The following AOX1 variants were observed in gnomAD, a reference collection of about 807,000 sequenced individuals.
AOX1 encodes the protein aldehyde oxidase.
AOX1 carries 153 observed loss-of-function variants against 169.5 expected under a neutral mutation model. The observed-to-expected ratio is 0.90, with a 90% CI of 0.79 to 1.03. The LOEUF is 1.03. Among genes scored for constraint, AOX1 ranks in the 50% least tolerant of loss-of-function variants. The pLI is 0.00. For missense variants in AOX1, 1,656 were observed against 1,663.9 expected (o/e 1.00, Z 0.08); for synonymous variants, 562 against 581.9 (o/e 0.97, Z 0.49).
intron 34 of AOX1, among the ~76,000 whole-genome samples, chr2:200,669,968 A>G (rs573417969): frequency 6.6e-6 from 1 of 151,996 alleles, no homozygotes; most frequent in Admixed American, 6.5e-5. Context: ...ATTCTATACT[A>G]TTTGACAAAA....
At position 200,638,255 on chromosome 2, in the gene AOX1, G is replaced by C. The variant is rs377368396; in HGVS notation, c.2521G>C (p.Asp841His). ...TCGCTGTGTTCTGGAACGAGGAGAAGACATGTTAATAACTGGAGGCCGCCA... is the reference window on the plus strand; with the variant it reads ...TCGCTGTGTTCTGGAACGAGGAGAACACATGTTAATAACTGGAGGCCGCCA... ...AVRCVLERGE[D>H]MLITGGRHPY... Residue 841 changes from aspartate to histidine, a missense_variant, in exon 23 of 35, where the codon GAC (aspartate) becomes CAC (histidine). Physicochemically the swap from Asp to His is moderately conservative, Grantham distance 81. Transcript: ENST00000374700. The C allele has an allele frequency of 1.4e-5, 22 of 1,613,796 alleles. No homozygotes were observed. In the African/African-American group the frequency reaches 2.9e-4, roughly 22 times the overall value.
chr2:200,587,759 T>C lies in AOX1; in HGVS notation c.45+1606T>C, dbSNP rs532165213. Among the ~76,000 whole-genome samples, 19 of 152,308 alleles carry C rather than the reference T, an allele frequency of 1.2e-4. No individual in the cohort carries two copies. The South Asian group carries it at 3.9e-3, about 32-fold the overall frequency. ...TCTTCTTTTGCATAATAGAATGGTA[T>C]AGTAAACACAACACTGGCTTTGTTG... is the stretch of plus-strand genomic sequence containing the variant. On this transcript the variant is annotated intron_variant, in intron 1 of 34. Transcript: ENST00000374700.
chr2:200,657,160 C>CAAAAAAAAAAAAAAAAAA (rs1442000312), intron 27 of AOX1, among the ~76,000 whole-genome samples: 3 of 59,140 alleles, frequency 5.1e-5, no homozygotes, highest in African/African-American at 1.8e-4. Flanking sequence ...TCCATCTCTA[C>CAAAAAAAAAAAAAAAAAA]CAAAAATATA....
At position 200,623,870 on chromosome 2, in the gene AOX1, G is replaced by A. The variant is rs779268030; in HGVS notation, c.2011G>A (p.Val671Met). 3.1e-6 allele frequency: 5 copies of A among 1,613,866 alleles called. No individual in the cohort carries two copies. The South Asian group carries it at 4.4e-5, about 14-fold the overall frequency. The change falls in exon 19 of 35, where the codon GTG (valine) becomes ATG (methionine). Residue 671 changes from valine to methionine, a missense_variant. Physicochemically the swap from Val to Met is conservative, Grantham distance 21. Coordinates refer to ENST00000374700, the MANE Select transcript of AOX1 (RefSeq NM_001159.4). ...KFLATDKVFCVGQLVCAVLAD... is the reference protein window; with the variant it reads ...KFLATDKVFCMGQLVCAVLAD... ...TCTTTCTGTGTCGTAGGTGTTCTGTGTGGGTCAGCTTGTCTGTGCTGTGCT... is the reference window on the plus strand; with the variant it reads ...TCTTTCTGTGTCGTAGGTGTTCTGTATGGGTCAGCTTGTCTGTGCTGTGCT...
downstream of AOX1, among the ~76,000 whole-genome samples, chr2:200,676,037 T>C (rs1214496720): frequency 6.7e-6 from 1 of 150,132 alleles, no homozygotes; most frequent in East Asian, 1.9e-4. Flanking sequence ...TATCTATGTA[T>C]ATGTGCATGG....
chr2:200,621,316 A>T lies in AOX1; in HGVS notation c.2001+70A>T. ...AACGGTGCTTCATATTTTCTTAAAG[A>T]TACCATCTACTTTGGCACACCATGA... On this transcript the variant is annotated intron_variant, in intron 18 of 34. Transcript: ENST00000374700. The T allele has an allele frequency of 3.9e-6, 6 of 1,545,660 alleles. No homozygotes were observed. The South Asian group carries it at 7.3e-5, about 19-fold the overall frequency.
At chr2:200,674,565 C>T (rs192439088), downstream of AOX1, among the ~76,000 whole-genome samples, 91 of 152,320 alleles carry the variant, frequency 6.0e-4, no homozygotes, top group African/African-American at 2.0e-3. Flanking sequence ...ATTTGCTAAA[C>T]AATTAAGTGG....
intron 16 of AOX1, among the ~76,000 whole-genome samples, chr2:200,618,254 A>C (rs2034809132): frequency 6.6e-6 from 1 of 152,258 alleles, no homozygotes; most frequent in East Asian, 1.9e-4. Context: ...ACAAAAACTT[A>C]GTCAATACTC....
At chr2:200,657,032 C>A in intron 27 of AOX1, 95 bp downstream of exon 27, 1 of 854,144 alleles carries the variant, frequency 1.2e-6, no homozygotes, top group Non-Finnish European at 1.7e-6. Flanking sequence ...TTACAAAATA[C>A]AGGATAGGAA....
chr2:200,608,680 G>A (rs909036989), intron 10 of AOX1, among the ~76,000 whole-genome samples: 1 of 151,916 alleles, frequency 6.6e-6, no homozygotes, highest in African/African-American at 2.4e-5. Context: ...AAAGAATTCA[G>A]CCTTCATTAC....
chr2:200,639,609 A>G (rs2035311096), intron 23 of AOX1, among the ~76,000 whole-genome samples: 1 of 152,234 alleles, frequency 6.6e-6, no homozygotes, highest in South Asian at 2.1e-4. Context: ...CTTCATCCTG[A>G]AGGAGATTTT....
intron 20 of AOX1, among the ~76,000 whole-genome samples, chr2:200,630,244 T>C (rs2035089993): frequency 7.5e-6 from 1 of 132,824 alleles, no homozygotes; most frequent in African/African-American, 3.1e-5. Flanking sequence ...AAAAGGAAGC[T>C]GGGCACGGTG....
chr2:200,632,674 C>T (rs867278742), intron 20 of AOX1, among the ~76,000 whole-genome samples: 2 of 151,938 alleles, frequency 1.3e-5, no homozygotes, highest in Non-Finnish European at 2.9e-5. Flanking sequence ...AAACTTCCCT[C>T]AGCCATTATT....
In AOX1 at chr2:200,666,721, G is replaced by A; in HGVS notation, c.3578G>A (p.Cys1193Tyr). ...ACAGACATTGTCATGGATGTTGGCTGCAGTATAAATCCAGCCATTGACATA... is the reference window on the plus strand; with the variant it reads ...ACAGACATTGTCATGGATGTTGGCTACAGTATAAATCCAGCCATTGACATA... ...IRTDIVMDVGCSINPAIDIGQ... is the reference protein window; with the variant it reads ...IRTDIVMDVGYSINPAIDIGQ... Residue 1193 changes from cysteine (C) to tyrosine (Y), a missense_variant, in exon 32 of 35, where the codon TGC becomes TAC. Cys to Tyr is a radical substitution (Grantham distance 194, BLOSUM62 -2). Coordinates refer to ENST00000374700, the MANE Select transcript of AOX1 (RefSeq NM_001159.4). 1.9e-6 allele frequency: 3 copies of A among 1,610,608 alleles called. No homozygotes were observed. The highest frequency in any genetic ancestry group is 1.7e-4 in the Middle Eastern group (1 of 6,040).
intron 5 of AOX1, among the ~76,000 whole-genome samples, chr2:200,600,646 T>C (rs2034395040): frequency 6.6e-6 from 1 of 152,148 alleles, no homozygotes; most frequent in African/African-American, 2.4e-5. Context: ...TATGTACACT[T>C]ACTCTGCAAA....
chr2:200,614,214 T>G lies in AOX1; in HGVS notation c.1611+248T>G, dbSNP rs6712290. 0.82 allele frequency among the ~76,000 whole-genome samples: 124,973 copies of G among 152,186 alleles called. 51,679 individuals are homozygous for G. The highest frequency in any genetic ancestry group is 0.9 in the East Asian group (4,637 of 5,162). ...CACTCAATTATTTGGTTTCTGACTGTTAGTTTTTCCAGATCATGTTCAGAA... is the reference window on the plus strand; with the variant it reads ...CACTCAATTATTTGGTTTCTGACTGGTAGTTTTTCCAGATCATGTTCAGAA... On this transcript the variant is annotated intron_variant, in intron 15 of 34. Transcript: ENST00000374700.
intron 5 of AOX1, among the ~76,000 whole-genome samples, chr2:200,599,948 A>C (rs777073983): frequency 5.3e-5 from 8 of 152,130 alleles, no homozygotes; most frequent in Non-Finnish European, 8.8e-5. Flanking sequence ...GATGATAATG[A>C]TAACAGCTAA....
intron 16 of AOX1, 100 bp from the exon 17 acceptor site, chr2:200,620,548 GTC>G: frequency 8.9e-7 from 1 of 1,119,386 alleles, no homozygotes; most frequent in South Asian, 2.1e-5. Context: ...TCTGGTTTGA[GTC>G]TAAATTATAT....
chr2:200,662,604 G>T (rs1024493622), intron 30 of AOX1, among the ~76,000 whole-genome samples: 2 of 152,198 alleles, frequency 1.3e-5, no homozygotes, highest in African/African-American at 4.8e-5. Context: ...GAAGTAAGAA[G>T]CTAACCTCCA....
Sources: allele counts gnomAD v4.1 joint callset (sites outside exome capture counted in the v4.1 genomes callset), GRCh38; gene constraint gnomAD v4.1.1; transcripts MANE v1.5; gene names NCBI Gene and HGNC (gene_info 2026-07-23, HGNC 2026-07-21).